CCDC102A: variants seen among roughly 807,000 people sequenced by gnomAD.
CCDC102A encodes coiled-coil domain containing 102A.
In CCDC102A, 40 loss-of-function variants were observed where a neutral mutation model predicts 55.5. That is an observed-to-expected ratio of 0.72 (90% CI 0.56 to 0.94). The LOEUF is 0.94. CCDC102A is among the 40% of genes least tolerant of loss of function. The pLI, the probability that CCDC102A is intolerant of heterozygous loss-of-function variation, is 0.00. For missense variants in CCDC102A, 779 were observed against 768.6 expected, an observed-to-expected ratio of 1.01 and a Z score of -0.16; for synonymous variants, 323 against 339.0, an observed-to-expected ratio of 0.95 and a Z score of 0.52.
At chr16:57,513,559 G>A (rs74540226) in intron 8 of CCDC102A, among the ~76,000 whole-genome samples, 2,387 of 152,332 alleles carry the variant, frequency 0.016, 62 homozygotes, top group African/African-American at 0.055. Context: ...AAAATAAAAC[G>A]ACACAGCGGT....
intron 8 of CCDC102A, among the ~76,000 whole-genome samples, chr16:57,514,917 G>A (rs543982652): frequency 2.0e-5 from 3 of 152,196 alleles, no homozygotes; most frequent in Admixed American, 6.5e-5. Flanking sequence ...GGCAGTGGAC[G>A]GGATCCAGGC....
chr16:57,517,933 G>T (rs1475204644), intron 6 of CCDC102A, 135 bp downstream of exon 6: 1 of 1,011,454 alleles, frequency 9.9e-7, no homozygotes, highest in African/African-American at 1.6e-5. Context: ...ATTACCAACT[G>T]GTCTAGCACA....
chr16:57,528,686 C>A lies in CCDC102A; in HGVS notation c.492G>T (p.Arg164=), dbSNP rs2032189733. ...CGTCGCGCGTCTGGTCGGCGACCCC[C>A]CGGGCGCCCCTCAGCCGCGCCAGCT... ...GRELARLRGA[R]GVADQTRDGP... Residue 164 remains arginine, a synonymous_variant, in exon 2 of 9, where the codon CGG becomes CGT. Coordinates refer to ENST00000258214, the MANE Select transcript of CCDC102A (RefSeq NM_033212.4). 1.8e-6 allele frequency: 2 copies of A among 1,125,624 alleles called. No homozygotes were observed. The highest frequency in any genetic ancestry group is 2.2e-6 in the Non-Finnish European group (2 of 916,112). The allele number at this position is 1,125,624 out of a possible 1,614,324, so 69.7% of individuals were successfully genotyped here. A position where few individuals can be genotyped will look rare whatever the true frequency, so the allele number is the denominator to read the frequency against.
At chr16:57,531,309 C>T (rs1262698531) in intron 1 of CCDC102A, among the ~76,000 whole-genome samples, 1 of 151,310 alleles carries the variant, frequency 6.6e-6, no homozygotes, top group African/African-American at 2.4e-5. Context: ...CACTTCCTCA[C>T]TCCTTCCAGC....
rs748050942 is a variant in CCDC102A, at chr16:57,525,904, C to T, written c.809G>A (p.Arg270Gln). 9.9e-6 allele frequency: 16 copies of T among 1,612,122 alleles called. No individual in the cohort carries two copies. Among genetic ancestry groups the T allele is most frequent in the East Asian group, 2.2e-5 (1 of 44,856 alleles). Residue 270 changes from arginine to glutamine, a missense_variant, in exon 3 of 9, where the codon CGA (arginine) becomes CAA (glutamine). Transcript: ENST00000258214. ...DESQKVLLKEREDKLALSRNI... is the reference protein window; with the variant it reads ...DESQKVLLKEQEDKLALSRNI... The stretch of plus-strand genomic sequence containing the variant: ...CCTCCCGCCTCCCACGACTCACTCT[C>T]GCTCCTTGAGCAGCACCTTCTGGGA...
At chr16:57,518,525 C>T in intron 5 of CCDC102A, 100 bp downstream of exon 5, 3 of 1,008,482 alleles carry the variant, frequency 3.0e-6, no homozygotes, top group Non-Finnish European at 4.6e-6. Context: ...CCGCTCAGAG[C>T]ACAGTCCTGG....
Position 57,528,737 on chromosome 16 carries a change from C to G in CCDC102A, c.441G>C (p.Gln147His). 8.5e-7 allele frequency: 1 copy of G among 1,172,640 alleles called. No individual in the cohort carries two copies. The highest frequency in any genetic ancestry group is 1.1e-6 in the Non-Finnish European group (1 of 941,302). The allele number at this position is 1,172,640 out of a possible 1,614,324, so 72.6% of individuals were successfully genotyped here. A position where few individuals can be genotyped will look rare whatever the true frequency, so the allele number is the denominator to read the frequency against. Residue 147 changes from glutamine to histidine, a missense_variant, in exon 2 of 9, where the codon CAG becomes CAC. By Grantham distance (24) the Gln-to-His change is conservative. Transcript: ENST00000258214. ...AGARRERQEA[Q>H]GECEARGREL... ...CGCGGCCCCGTGCCTCGCACTCGCC[C>G]TGCGCCTCTTGGCGCTCGCGCCGTG...
chr16:57,522,221 AG>A (rs2032064649), intron 3 of CCDC102A, among the ~76,000 whole-genome samples: 1 of 152,228 alleles, frequency 6.6e-6, no homozygotes, highest in Non-Finnish European at 1.5e-5. Context: ...TATAAACTGA[AG>A]GAAGACTGCA....
intron 4 of CCDC102A, 122 bp from the exon 5 acceptor site, chr16:57,518,863 C>A: frequency 1.5e-6 from 1 of 682,170 alleles, no homozygotes; most frequent in Admixed American, 2.2e-5. Flanking sequence ...CCAAATGGGG[C>A]AGGCACCAGG....
intron 6 of CCDC102A, among the ~76,000 whole-genome samples, chr16:57,517,795 C>T (rs536883016): frequency 4.6e-5 from 7 of 152,342 alleles, no homozygotes; most frequent in African/African-American, 1.4e-4. Flanking sequence ...ATGTGTACAT[C>T]CCCCAAGTAA....
intron 8 of CCDC102A, among the ~76,000 whole-genome samples, chr16:57,513,217 G>A (rs1298573299): frequency 2.0e-5 from 3 of 152,318 alleles, no homozygotes; most frequent in Admixed American, 6.5e-5. Flanking sequence ...CTGGCTCTCA[G>A]AGCACAGGCA....
intron 4 of CCDC102A, among the ~76,000 whole-genome samples, chr16:57,520,596 A>C (rs142222844): frequency 2.0e-4 from 11 of 55,786 alleles, no homozygotes; most frequent in African/African-American, 4.8e-4. Context: ...CATAACATAA[A>C]TAAAATAAAA....
Position 57,529,416 on chromosome 16 carries a change from C to A in CCDC102A, c.-147-92G>T, listed in dbSNP as rs756840967. 42 of 276,958 alleles carry A rather than the reference C, an allele frequency of 1.5e-4. No homozygotes were observed. The highest frequency in any genetic ancestry group is 2.3e-4 in the Non-Finnish European group (38 of 166,706). 17.2% of individuals were successfully genotyped at this position (276,958 alleles called of 1,614,324 possible). On this transcript the variant is annotated intron_variant, in intron 1 of 8. Transcript: ENST00000258214. This position sits in a 1 kb window ranked among gnomAD's most constrained non-coding sequence, Gnocchi z 4.1. ...GCCCTGGCGGAGGGAACAGAACGGC[C>A]AAGGTAGGAGGAGAGAGTTCTGTTC...
At chr16:57,530,496 G>A (rs923601131) in intron 1 of CCDC102A, among the ~76,000 whole-genome samples, 1 of 152,124 alleles carries the variant, frequency 6.6e-6, no homozygotes. Flanking sequence ...GGTGGGACTC[G>A]GCACTGGCTG....
chr16:57,512,522 G>GCA lies in CCDC102A; in HGVS notation c.*218_*219insTG, dbSNP rs2031881462. The GCA allele has an allele frequency of 1.3e-5, 6 of 473,602 alleles. No individual in the cohort carries two copies. Among genetic ancestry groups the GCA allele is most frequent in the African/African-American group, 8.2e-5 (4 of 48,560 alleles). 29.3% of individuals were successfully genotyped at this position (473,602 alleles called of 1,614,324 possible). A position where few individuals can be genotyped will look rare whatever the true frequency, so the allele number is the denominator to read the frequency against. On this transcript the variant is annotated 3_prime_UTR_variant, in exon 9 of 9. Coordinates refer to ENST00000258214, the MANE Select transcript of CCDC102A (RefSeq NM_033212.4). ...CAAAGACTTCTGGGTGTGCGCGCGC[G>GCA]CGCGCGCGTGTGTGTATATATATAT...
At chr16:57,520,243 C>G (rs1323837270) in intron 4 of CCDC102A, among the ~76,000 whole-genome samples, 1 of 152,218 alleles carries the variant, frequency 6.6e-6, no homozygotes, top group Non-Finnish European at 1.5e-5. Context: ...TTCCCGCACA[C>G]GCTGGGCTTG....
chr16:57,533,532 ACACT>A (rs2032311706), intron 1 of CCDC102A, among the ~76,000 whole-genome samples: 1 of 150,934 alleles, frequency 6.6e-6, no homozygotes, highest in South Asian at 2.1e-4. Flanking sequence ...AGTAATGCAC[ACACT>A]CACACACACA....
upstream of CCDC102A, among the ~76,000 whole-genome samples, chr16:57,536,801 C>T (rs566161832): frequency 6.6e-6 from 1 of 152,238 alleles, no homozygotes; most frequent in Non-Finnish European, 1.5e-5. Context: ...CAACGGAGGC[C>T]CCACCCCCGT....
In CCDC102A at chr16:57,516,460, G is replaced by A. The variant is rs1250754968; in HGVS notation, c.1252C>T (p.Leu418=). The A allele has an allele frequency of 6.2e-7, 1 of 1,606,194 alleles. No homozygotes were observed. The highest frequency in any genetic ancestry group is 1.7e-5 in the Admixed American group (1 of 59,998). The change falls in exon 7 of 9, where the codon CTG becomes TTG. Residue 418 remains leucine, a synonymous_variant. Transcript: ENST00000258214. The surrounding 1 kb of genome is among the most constrained non-coding windows in gnomAD (Gnocchi z 4.4). ...CCATGCACATGCTTCAGGTCTGCCA[G>A]CTCCTACAGGGCACAGGGATGGGGT... is the stretch of plus-strand genomic sequence containing the variant. ...QAALFEKNKE[L]ADLKHVHGKL...
Sources: gnomAD v4.1 joint callset for allele counts (sites outside exome capture counted in the v4.1 genomes callset) on GRCh38, gnomAD v4.1.1 for gene constraint, Gnocchi (gnomAD v3.1) non-coding constraint, MANE v1.5 for transcripts, NCBI Gene and HGNC (gene_info 2026-07-23, HGNC 2026-07-21) for gene names.